MDN1: variants seen among roughly 807,000 people sequenced by gnomAD.
MDN1 encodes midasin AAA ATPase 1, also known as midasin.
Under a neutral mutation model 669.2 loss-of-function variants are expected in MDN1, and 266 were observed. That is an observed-to-expected ratio of 0.40 (90% CI 0.36 to 0.44). MDN1 has a LOEUF of 0.44. Ranked by LOEUF, MDN1 falls within the 20% of genes least tolerant of loss-of-function variation. The probability of loss-of-function intolerance (pLI) is 1.00; values close to 1 mark genes in which losing one functional copy is unlikely to be tolerated. For synonymous variants in MDN1, 2,385 were observed against 2,457.1 expected (o/e 0.97, Z 0.87); for missense variants, 5,940 against 6,754.0 (o/e 0.88, Z 4.22).
Position 89,661,964 on chromosome 6 carries a change from T to C in MDN1, c.14565+123A>G, listed in dbSNP as rs553748674. 3 of 1,109,240 alleles carry C rather than the reference T, an allele frequency of 2.7e-6. No homozygotes were observed. In the African/African-American group the frequency reaches 4.7e-5, roughly 17 times the overall value. The allele number at this position is 1,109,240 out of a possible 1,614,324, so 68.7% of individuals were successfully genotyped here. ...AGAGCCTCTGTTGCATATTCTTTTA[T>C]GAGGTAATGGGAGAGCAGTCGACGA... On this transcript the variant is annotated intron_variant, in intron 87 of 101. Transcript: ENST00000369393.
At chr6:89,691,045 C>T (rs1038807461) in intron 63 of MDN1, among the ~76,000 whole-genome samples, 1 of 152,170 alleles carries the variant, frequency 6.6e-6, no homozygotes, top group African/African-American at 2.4e-5. Context: ...TCCTAAATCC[C>T]CCCTGCTGTG....
rs144890128 is a variant in MDN1 at position 89,723,623 on chromosome 6, G to C, written c.5671-4C>G. The C allele has an allele frequency of 6.5e-4, 973 of 1,499,860 alleles. 3 individuals carry two copies. The African/African-American group carries it at 0.011, about 18-fold the overall frequency. 92.9% of individuals were successfully genotyped at this position (1,499,860 alleles called of 1,614,324 possible). A position where few individuals can be genotyped will look rare whatever the true frequency, so the allele number is the denominator to read the frequency against. ...CTGTAAGGGGATCAACGAAGACCTAGAAATCCAAAAATAATATGAAGAAAT... is the reference window on the plus strand; with the variant it reads ...CTGTAAGGGGATCAACGAAGACCTACAAATCCAAAAATAATATGAAGAAAT... On this transcript the variant is annotated splice_region_variant and splice_polypyrimidine_tract_variant and intron_variant, in intron 38 of 101. Transcript: ENST00000369393.
intron 37 of MDN1, among the ~76,000 whole-genome samples, chr6:89,726,997 C>T (rs1017874868): frequency 3.6e-4 from 55 of 152,020 alleles, no homozygotes; most frequent in Non-Finnish European, 1.8e-4. Flanking sequence ...CCACTAAATA[C>T]TAAGTATGGT....
intron 15 of MDN1, among the ~76,000 whole-genome samples, chr6:89,762,924 C>A (rs1817628616): frequency 6.6e-6 from 1 of 152,122 alleles, no homozygotes; most frequent in Admixed American, 6.5e-5. Context: ...GGTGCAGTAG[C>A]ACACACCTGC....
intron 33 of MDN1, among the ~76,000 whole-genome samples, chr6:89,734,592 A>G (rs902276063): frequency 6.7e-6 from 1 of 148,788 alleles, no homozygotes; most frequent in Non-Finnish European, 1.5e-5. Flanking sequence ...CCTGGGAGGC[A>G]GAAGTTGCAG....
At chr6:89,653,599 C>A (rs1285158914) in intron 93 of MDN1, among the ~76,000 whole-genome samples, 1 of 152,164 alleles carries the variant, frequency 6.6e-6, no homozygotes, top group Admixed American at 6.5e-5. Context: ...GATAGTCAAC[C>A]GTTCTAACAG....
At chr6:89,813,564 A>C (rs1269073995) in intron 1 of MDN1, among the ~76,000 whole-genome samples, 2 of 151,402 alleles carry the variant, frequency 1.3e-5, no homozygotes, top group East Asian at 3.9e-4. Context: ...AAAAAAAAAA[A>C]AACAAAAAAG....
chr6:89,734,680 A>G (rs1815816013), intron 33 of MDN1, among the ~76,000 whole-genome samples: 1 of 99,818 alleles, frequency 1.0e-5, no homozygotes, highest in Non-Finnish European at 2.0e-5. Flanking sequence ...GAAAAAAAAA[A>G]AAAAAAAAAC....
Position 89,706,192 on chromosome 6 carries a change from T to A in MDN1, c.8015A>T (p.Asp2672Val). ...VLRMSFEFHQ[D>V]PESYHTLPHE... ...GGGCAGAGTGTGATAGCTTTCTGGA[T>A]CTGAGAGTCAACATAAATAAAATGA... Residue 2672 changes from aspartate to valine, a missense_variant and splice_region_variant, in exon 53 of 102, where the codon GAT becomes GTT. Physicochemically the swap from Asp to Val is radical, Grantham distance 152 (BLOSUM62 -3). Transcript: ENST00000369393. 1 of 1,607,120 alleles carries A rather than the reference T, an allele frequency of 6.2e-7. No individual in the cohort carries two copies. The highest frequency in any genetic ancestry group is 8.5e-7 in the Non-Finnish European group (1 of 1,177,230).
intron 15 of MDN1, among the ~76,000 whole-genome samples, chr6:89,764,459 G>C (rs1817703005): frequency 6.6e-6 from 1 of 152,118 alleles, no homozygotes; most frequent in African/African-American, 2.4e-5. Flanking sequence ...ATAAAAATTA[G>C]CCAGGCATGC....
intron 83 of MDN1, 112 bp from the exon 84 acceptor site, chr6:89,668,263 G>A (rs1810407411): frequency 9.1e-6 from 12 of 1,314,358 alleles, no homozygotes; most frequent in African/African-American, 1.5e-5. Flanking sequence ...TCTTTTTCTA[G>A]CTCATTATCT....
chr6:89,786,362 G>A (rs1269013005), intron 8 of MDN1, among the ~76,000 whole-genome samples: 2 of 150,652 alleles, frequency 1.3e-5, no homozygotes, highest in Non-Finnish European at 3.0e-5. Flanking sequence ...AGGCCACAGT[G>A]GGAGGACTGC....
At chr6:89,726,601 C>T (rs369815876) in intron 37 of MDN1, among the ~76,000 whole-genome samples, 30 of 151,410 alleles carry the variant, frequency 2.0e-4, no homozygotes, top group African/African-American at 6.6e-4. Flanking sequence ...AAATCTCCAA[C>T]GGGTTTCAAA....
At chr6:89,782,466 T>C (rs1818725002) in intron 9 of MDN1, among the ~76,000 whole-genome samples, 1 of 151,674 alleles carries the variant, frequency 6.6e-6, no homozygotes. Context: ...CACACACCTG[T>C]AGTCAGTCCC....
rs1390720310 is a variant in MDN1, at chr6:89,654,191, T to C, written c.15634A>G (p.Ile5212Val). ...AAGGGTGCTGTGGTGCCCGACTTGA[T>C]TTCCTCTGGCTTCAGCTGCTCCACG... ...ADVEQLKPEEIKSGTTAPLGF... is the reference protein window; with the variant it reads ...ADVEQLKPEEVKSGTTAPLGF... The change falls in exon 93 of 102, where the codon ATC becomes GTC. Residue 5212 changes from isoleucine (I) to valine (V), a missense_variant. Ile to Val is a conservative substitution (Grantham distance 29). This residue lies in a region of MDN1 where 2,280 missense variants were observed against 2,576.3 expected (regional missense o/e 0.88). Transcript: ENST00000369393. 3 of 1,614,228 alleles carry C rather than the reference T, an allele frequency of 1.9e-6. No individual in the cohort carries two copies. In the East Asian group the frequency reaches 6.7e-5, roughly 36 times the overall value.
Position 89,759,143 on chromosome 6 carries a change from A to G in MDN1, c.2461-183T>C, listed in dbSNP as rs370664988. Among the ~76,000 whole-genome samples the G allele has an allele frequency of 8.5e-5, 13 of 152,316 alleles. No individual in the cohort carries two copies. In the East Asian group the frequency reaches 1.9e-3, roughly 23 times the overall value. ...GGCCAAGTTAATTTTTTAAATGTCCAAAAAGGTCAAGGGAATATCTTTGAG... is the reference window on the plus strand; with the variant it reads ...GGCCAAGTTAATTTTTTAAATGTCCGAAAAGGTCAAGGGAATATCTTTGAG... On this transcript the variant is annotated intron_variant, in intron 17 of 101. Transcript: ENST00000369393.
chr6:89,650,215 G>C lies in MDN1; in HGVS notation c.16032-17C>G, dbSNP rs775157583. 5 of 1,595,626 alleles carry C rather than the reference G, an allele frequency of 3.1e-6. No individual in the cohort carries two copies. The South Asian group carries it at 5.6e-5, about 18-fold the overall frequency. On this transcript the variant is annotated splice_polypyrimidine_tract_variant and intron_variant, in intron 96 of 101. Transcript: ENST00000369393. ...TAGTCTCCTCTATTTATTCAAATGG[G>C]GGCAAAAATTAGTTAACAACTTTTA...
At chr6:89,668,474 T>C (rs1768984892) in intron 83 of MDN1, among the ~76,000 whole-genome samples, 1 of 152,152 alleles carries the variant, frequency 6.6e-6, no homozygotes, top group African/African-American at 2.4e-5. Flanking sequence ...AAAAAGTCCT[T>C]GAGTAAGGGC....
At position 89,643,851 on chromosome 6, in the gene MDN1, G is replaced by A. The variant is rs533864464; in HGVS notation, c.*154C>T. On this transcript the variant is annotated 3_prime_UTR_variant, in exon 102 of 102. Transcript: ENST00000369393. ...TAAAAACCTCAGCCCAGGCAAAGCC[G>A]GGAGCCAGAGAGCATTCTGTAGGCT... 4.8e-5 allele frequency: 31 copies of A among 651,352 alleles called. No individual in the cohort carries two copies. The East Asian group carries it at 6.2e-4, about 13-fold the overall frequency. 40.3% of individuals were successfully genotyped at this position (651,352 alleles called of 1,614,324 possible).
Sources: allele counts gnomAD v4.1 joint callset (sites outside exome capture counted in the v4.1 genomes callset), GRCh38; gene constraint gnomAD v4.1.1; regional missense constraint gnomAD v4.1.1; transcripts MANE v1.5; gene names NCBI Gene and HGNC (gene_info 2026-07-23, HGNC 2026-07-21).